The following NUDCD3 variants were observed in gnomAD, a reference collection of about 807,000 sequenced individuals.
NUDCD3 encodes NudC domain containing 3, also known as nudC domain-containing protein 3.
Under a neutral mutation model 39.7 loss-of-function variants are expected in NUDCD3, and 13 were observed. The ratio of observed to expected loss-of-function variants is 0.33; its 90% CI spans 0.21 to 0.52. NUDCD3 has a LOEUF of 0.52. Ranked by LOEUF, NUDCD3 falls within the 20% of genes least tolerant of loss-of-function variation. The pLI, the probability that NUDCD3 is intolerant of heterozygous loss-of-function variation, is 0.96. For synonymous variants in NUDCD3, 175 were observed against 172.4 expected (o/e 1.02, Z -0.12); for missense variants, 453 against 458.1 (o/e 0.99, Z 0.10).
At chr7:44,396,127 T>TG (rs1563164537) in intron 4 of NUDCD3, among the ~76,000 whole-genome samples, 32 of 124,674 alleles carry the variant, frequency 2.6e-4, no homozygotes, top group African/African-American at 1.1e-3. Context: ...GTGTGTGTGT[T>TG]TAATTACAGC....
At chr7:44,475,749 A>G (rs773474268) in intron 2 of NUDCD3, among the ~76,000 whole-genome samples, 43 of 152,272 alleles carry the variant, frequency 2.8e-4, no homozygotes, top group Non-Finnish European at 5.0e-4. Flanking sequence ...CCTGGGCAAC[A>G]GAGTAAGACT....
intron 2 of NUDCD3, among the ~76,000 whole-genome samples, chr7:44,440,871 C>A (rs565562829): frequency 8.5e-5 from 13 of 152,338 alleles, no homozygotes; most frequent in African/African-American, 2.4e-4. Flanking sequence ...CTCTCACCAA[C>A]ATGAGGCTAT....
intron 3 of NUDCD3, among the ~76,000 whole-genome samples, chr7:44,408,498 A>G (rs1461580710): frequency 6.6e-6 from 1 of 152,200 alleles, no homozygotes; most frequent in African/African-American, 2.4e-5. Context: ...AACAAGATAA[A>G]AAAGAAGGGC....
At chr7:44,439,998 C>A (rs1799544900) in intron 2 of NUDCD3, among the ~76,000 whole-genome samples, 1 of 152,174 alleles carries the variant, frequency 6.6e-6, no homozygotes, top group Admixed American at 6.5e-5. Flanking sequence ...TTAACATATG[C>A]TAAGAATTTA....
intron 1 of NUDCD3, among the ~76,000 whole-genome samples, chr7:44,486,456 A>C (rs1800611319): frequency 6.6e-6 from 1 of 152,054 alleles, no homozygotes; most frequent in African/African-American, 2.4e-5. Context: ...CCTGCTGGCA[A>C]AAGAAGTAAA....
intron 2 of NUDCD3, among the ~76,000 whole-genome samples, chr7:44,459,579 AAT>A (rs1484374589): frequency 6.6e-6 from 1 of 152,276 alleles, no homozygotes; most frequent in Non-Finnish European, 1.5e-5. Flanking sequence ...ACAAGGTAAT[AAT>A]AGTGATAGAA....
intron 2 of NUDCD3, among the ~76,000 whole-genome samples, chr7:44,479,393 G>A (rs1430021557): frequency 2.6e-5 from 4 of 152,150 alleles, no homozygotes. Context: ...CAACAAAAAT[G>A]CATATATAGA....
chr7:44,427,667 G>A lies in NUDCD3; in HGVS notation c.546C>T (p.Tyr182=). The change falls in exon 3 of 6, where the codon TAC becomes TAT. Residue 182 remains tyrosine (Y), a synonymous_variant. Coordinates refer to ENST00000355451, the MANE Select transcript of NUDCD3 (RefSeq NM_015332.4). ...QEQFQKNPDS[Y]NGAVRENYTW... The stretch of plus-strand genomic sequence containing the variant: ...TGTAGTTCTCTCGGACAGCACCATT[G>A]TAACTGTCGGGATTTTTCTGGAACT... 6.8e-6 allele frequency: 11 copies of A among 1,613,564 alleles called. No individual in the cohort carries two copies. The highest frequency in any genetic ancestry group is 9.3e-6 in the Non-Finnish European group (11 of 1,179,790).
At position 44,383,706 on chromosome 7, in the gene NUDCD3, C is replaced by T. The variant is rs1405803760; in HGVS notation, c.*2305G>A. The T allele has an allele frequency of 6.6e-6, 1 of 152,242 alleles. No individual in the cohort carries two copies. The highest frequency in any genetic ancestry group is 1.5e-5 in the Non-Finnish European group (1 of 68,054). 9.4% of individuals were successfully genotyped at this position (152,242 alleles called of 1,614,324 possible). The stretch of plus-strand genomic sequence containing the variant: ...GGGAAATGAGTCACCCCGCTTTCCT[C>T]GGACCTCAGCTGGTGGGACTTAGTG... On this transcript the variant is annotated 3_prime_UTR_variant, in exon 6 of 6. Transcript: ENST00000355451.
At chr7:44,431,012 G>A (rs1799353747) in intron 2 of NUDCD3, among the ~76,000 whole-genome samples, 1 of 152,228 alleles carries the variant, frequency 6.6e-6, no homozygotes, top group African/African-American at 2.4e-5. Context: ...AAAGGAAGCA[G>A]GAGAATCACT....
rs149897133 is a variant in NUDCD3 at position 44,453,770 on chromosome 7, G to C, written c.510-26067C>G. On this transcript the variant is annotated intron_variant, in intron 2 of 5. Transcript: ENST00000355451. ...GTAAATAATAAAAGCTTGGCCAGGCGTGGTGGCTCACACCTGTAATCCCAG... is the reference window on the plus strand; with the variant it reads ...GTAAATAATAAAAGCTTGGCCAGGCCTGGTGGCTCACACCTGTAATCCCAG... 6.8e-3 allele frequency among the ~76,000 whole-genome samples: 1,033 copies of C among 152,276 alleles called. 12 individuals are homozygous for C. The highest frequency in any genetic ancestry group is 0.023 in the African/African-American group (976 of 41,536).
chr7:44,443,294 A>ATTCCACAAC (rs1396212112), intron 2 of NUDCD3, among the ~76,000 whole-genome samples: 3 of 152,220 alleles, frequency 2.0e-5, no homozygotes, highest in Non-Finnish European at 4.4e-5. Flanking sequence ...TAAAGAAGAC[A>ATTCCACAAC]TTCCACAACT....
At position 44,384,311 on chromosome 7, in the gene NUDCD3, A is replaced by G. The variant is rs977205837; in HGVS notation, c.*1700T>C. 3.3e-5 allele frequency: 5 copies of G among 152,062 alleles called. No homozygotes were observed. Among genetic ancestry groups the G allele is most frequent in the Non-Finnish European group, 5.9e-5 (4 of 68,022 alleles). The allele number at this position is 152,062 out of a possible 1,614,324, so 9.4% of individuals were successfully genotyped here. On this transcript the variant is annotated 3_prime_UTR_variant, in exon 6 of 6. Transcript: ENST00000355451. Reference sequence around the variant, plus strand: ...GGACCTCAATGGGAAGAACTCCAGGAAAAAAAATGACAAGTCTTTCTCAGG... The same window carrying G: ...GGACCTCAATGGGAAGAACTCCAGGGAAAAAAATGACAAGTCTTTCTCAGG...
At chr7:44,459,893 C>A (rs1799974963) in intron 2 of NUDCD3, among the ~76,000 whole-genome samples, 1 of 152,174 alleles carries the variant, frequency 6.6e-6, no homozygotes, top group South Asian at 2.1e-4. Flanking sequence ...TCATACTCTT[C>A]AAGTTAATAT....
Position 44,481,560 on chromosome 7 carries a change from T to C in NUDCD3, c.509+3408A>G, listed in dbSNP as rs566671600. On this transcript the variant is annotated intron_variant, in intron 2 of 5. Coordinates refer to ENST00000355451, the MANE Select transcript of NUDCD3 (RefSeq NM_015332.4). ...ATGCCAAGATGAGTGTTTGACTGAATAACCAGGACTGTAACTTAGCCAAAC... is the reference window on the plus strand; with the variant it reads ...ATGCCAAGATGAGTGTTTGACTGAACAACCAGGACTGTAACTTAGCCAAAC... The C allele has an allele frequency of 4.6e-5, 7 of 152,350 alleles. No individual in the cohort carries two copies. In the East Asian group the frequency reaches 1.3e-3, roughly 29 times the overall value. The allele number at this position is 152,350 out of a possible 1,614,324, so 9.4% of individuals were successfully genotyped here.
chr7:44,477,192 T>C (rs1307696697), intron 2 of NUDCD3, among the ~76,000 whole-genome samples: 1 of 152,160 alleles, frequency 6.6e-6, no homozygotes, highest in East Asian at 1.9e-4. Flanking sequence ...TTGTACACTG[T>C]CACTACTCTG....
chr7:44,485,775 C>T (rs307011), intron 1 of NUDCD3, among the ~76,000 whole-genome samples: 24,580 of 152,204 alleles, frequency 0.16, 2,209 homozygotes, highest in Non-Finnish European at 0.21. Flanking sequence ...ATCTACTATG[C>T]GCCTACAGTG....
At chr7:44,475,113 T>C (rs1380810167) in intron 2 of NUDCD3, among the ~76,000 whole-genome samples, 1 of 105,604 alleles carries the variant, frequency 9.5e-6, no homozygotes, top group Non-Finnish European at 2.4e-5. Flanking sequence ...AATTCATTTC[T>C]TTTTTTTTTT....
intron 2 of NUDCD3, chr7:44,468,244 C>T: frequency 6.3e-7 from 1 of 1,596,224 alleles, no homozygotes; most frequent in Non-Finnish European, 8.5e-7. Context: ...AAACAGCTGC[C>T]CAACTGGCCA....
Sources: gnomAD v4.1 joint callset for allele counts (sites outside exome capture counted in the v4.1 genomes callset) on GRCh38, gnomAD v4.1.1 for gene constraint, MANE v1.5 for transcripts, NCBI Gene and HGNC (gene_info 2026-07-23, HGNC 2026-07-21) for gene names.